Variants in PDE4DIP observed in about 807,000 individuals in gnomAD.
PDE4DIP encodes myomegalin.
In PDE4DIP, 59 loss-of-function variants were observed where a neutral mutation model predicts 221.4. The observed-to-expected ratio is 0.27, with a 90% CI of 0.22 to 0.33. The LOEUF is 0.33. PDE4DIP is among the 10% of genes least tolerant of loss of function. The pLI is 1.00. For synonymous variants in PDE4DIP, 404 were observed against 815.9 expected, an observed-to-expected ratio of 0.50 and a Z score of 8.60; for missense variants, 1,036 against 2,154.2, an observed-to-expected ratio of 0.48 and a Z score of 10.28.
chr1:148,905,246 C>T (rs61812904), intron 1 of PDE4DIP, among the ~76,000 whole-genome samples: 3 of 124,586 alleles, frequency 2.4e-5, no homozygotes, highest in Non-Finnish European at 3.3e-5. Flanking sequence ...TGCAGTGGTG[C>T]GATCTCGGCT....
chr1:148,997,229 T>C (rs1434230712), intron 22 of PDE4DIP, among the ~76,000 whole-genome samples: 2 of 151,082 alleles, frequency 1.3e-5, no homozygotes, highest in East Asian at 1.9e-4. Context: ...TTCTACACTT[T>C]TAAGAGCGTG....
chr1:148,980,261 G>T (rs190498991), intron 20 of PDE4DIP, among the ~76,000 whole-genome samples: 1 of 152,056 alleles, frequency 6.6e-6, no homozygotes, highest in African/African-American at 2.4e-5. Context: ...GTGAGGTAGC[G>T]CGCGCCTGTA....
chr1:148,981,430 A>C, intron 21 of PDE4DIP, 33 bp downstream of exon 24: 1 of 1,613,456 alleles, frequency 6.2e-7, no homozygotes, highest in South Asian at 1.1e-5. Flanking sequence ...AATTCATCAC[A>C]AGCATGCCTA....
At chr1:148,927,402 C>T (rs1404148912) in intron 1 of PDE4DIP, among the ~76,000 whole-genome samples, 2 of 151,990 alleles carry the variant, frequency 1.3e-5, no homozygotes, top group African/African-American at 4.8e-5. Context: ...CCTTCCAGCT[C>T]TAAAATTCTT....
intron 23 of PDE4DIP, among the ~76,000 whole-genome samples, chr1:148,999,576 C>T (rs1391414618): frequency 6.6e-6 from 1 of 152,026 alleles, no homozygotes; most frequent in South Asian, 2.1e-4. Context: ...TGTGATTGTT[C>T]TAAGTGCTGA....
At chr1:148,953,023 G>C (rs782373782) in intron 5 of PDE4DIP, 3 of 1,614,034 alleles carry the variant, frequency 1.9e-6, no homozygotes, top group Non-Finnish European at 2.5e-6. Context: ...GCTTGCAAAA[G>C]CTGCTACTGG....
intron 1 of PDE4DIP, among the ~76,000 whole-genome samples, chr1:148,907,033 G>A (rs2041995065): frequency 6.6e-6 from 1 of 151,512 alleles, no homozygotes; most frequent in South Asian, 2.1e-4. Context: ...TGGACTACAA[G>A]AGTGAAACTC....
chr1:148,859,451 T>C (rs1553398426), intron 1 of PDE4DIP, among the ~76,000 whole-genome samples: 1 of 151,646 alleles, frequency 6.6e-6, no homozygotes, highest in Admixed American at 6.6e-5. Flanking sequence ...AATGTCCTGG[T>C]GAGAATATTA....
chr1:148,997,744 G>A (rs2296232), intron 22 of PDE4DIP, among the ~76,000 whole-genome samples: 12,929 of 150,968 alleles, frequency 0.086, 155 homozygotes, highest in East Asian at 0.19. Flanking sequence ...CAGGACTCAA[G>A]TGTTGCAGAG....
chr1:148,954,564 G>A (rs1276484312), intron 5 of PDE4DIP, among the ~76,000 whole-genome samples: 1 of 152,144 alleles, frequency 6.6e-6, no homozygotes, highest in Admixed American at 6.5e-5. Context: ...AAAAGATTAA[G>A]GCATAAACTG....
chr1:148,975,993 G>C (rs1244222900), intron 17 of PDE4DIP, among the ~76,000 whole-genome samples: 8 of 151,430 alleles, frequency 5.3e-5, no homozygotes, highest in Non-Finnish European at 8.8e-5. Context: ...CAGGATATGA[G>C]AATGTGTGGC....
chr1:148,977,901 T>C, intron 17 of PDE4DIP, 36 bp from the exon 21 acceptor site: 1 of 1,604,138 alleles, frequency 6.2e-7, no homozygotes, highest in African/African-American at 1.3e-5. Context: ...AGTGTTAAAA[T>C]GTAAACATGG....
At chr1:148,877,074 T>C (rs1359716284) in intron 3 of PDE4DIP, among the ~76,000 whole-genome samples, 1 of 146,314 alleles carries the variant, frequency 6.8e-6, no homozygotes, top group Non-Finnish European at 1.5e-5. Context: ...CAGTATTCTC[T>C]ATACCAATAC....
intron 43 of PDE4DIP, among the ~76,000 whole-genome samples, chr1:149,031,729 G>A (rs1483195999): frequency 1.4e-5 from 2 of 146,816 alleles, no homozygotes; most frequent in African/African-American, 2.5e-5. Context: ...ATTGGAGCAG[G>A]GATCTCAGCA....
chr1:148,978,231 T>C, intron 18 of PDE4DIP, 47 bp from the exon 22 acceptor site: 3 of 1,503,108 alleles, frequency 2.0e-6, no homozygotes, highest in Non-Finnish European at 2.8e-6. Context: ...TGCTGAATAA[T>C]CCTTTTATTA....
chr1:148,952,108 T>A (rs1553489644), intron 5 of PDE4DIP: 9 of 1,021,978 alleles, frequency 8.8e-6, no homozygotes, highest in Non-Finnish European at 1.1e-5. Flanking sequence ...AGCCTCGACA[T>A]CCTGCAGAGG....
intron 5 of PDE4DIP, among the ~76,000 whole-genome samples, chr1:148,955,336 C>T (rs1185928850): frequency 4.0e-5 from 6 of 151,174 alleles, no homozygotes; most frequent in African/African-American, 1.2e-4. Flanking sequence ...TCCCCCCAGC[C>T]CGCCACCAAA....
Position 148,911,988 on chromosome 1 carries a change from C to T in PDE4DIP, c.142-17209C>T, listed in dbSNP as rs587613137. ...CATATTCTATTGGTTAGAAATAAGT[C>T]GCAGGGCCTGCTCATACCCAAAGAG... On this transcript the variant is annotated intron_variant, in intron 1 of 43. Coordinates refer to ENST00000369354, the Ensembl canonical transcript of PDE4DIP. Among the ~76,000 whole-genome samples, 566 of 146,846 alleles carry T rather than the reference C, an allele frequency of 3.9e-3. 51 individuals carry two copies. Among genetic ancestry groups the T allele is most frequent in the Non-Finnish European group, 5.6e-3 (369 of 66,396 alleles).
intron 21 of PDE4DIP, chr1:148,990,446 T>C (rs2062802271): frequency 1.8e-6 from 1 of 568,890 alleles, no homozygotes; most frequent in Non-Finnish European, 2.2e-6. Context: ...GCAGAGCCTT[T>C]CATGCCTGGA....
Sources: gnomAD v4.1 joint callset for allele counts (sites outside exome capture counted in the v4.1 genomes callset) on GRCh38, gnomAD v4.1.1 for gene constraint, MANE v1.5 for transcripts, NCBI Gene and HGNC (gene_info 2026-07-23, HGNC 2026-07-21) for gene names.